Variants in RIMS2 observed in about 807,000 individuals in gnomAD.
The protein encoded by RIMS2 is regulating synaptic membrane exocytosis 2, also known as regulating synaptic membrane exocytosis protein 2.
In RIMS2, 59 loss-of-function variants were observed where a neutral mutation model predicts 174.4. The ratio of observed to expected loss-of-function variants is 0.34; its 90% CI spans 0.27 to 0.42. The LOEUF is 0.42. RIMS2 is among the 10% of genes least tolerant of loss of function. The pLI is 1.00. For missense variants in RIMS2, 1,620 were observed against 1,666.3 expected, an observed-to-expected ratio of 0.97 and a Z score of 0.48; for synonymous variants, 606 against 572.5, an observed-to-expected ratio of 1.06 and a Z score of -0.84.
At chr8:104,016,113 A>G (rs985543894) in intron 19 of RIMS2, among the ~76,000 whole-genome samples, 1 of 152,094 alleles carries the variant, frequency 6.6e-6, no homozygotes, top group African/African-American at 2.4e-5. Context: ...AGTTATGGAA[A>G]TCTGAAATTA....
chr8:103,666,291 T>A (rs1312217989), intron 1 of RIMS2, among the ~76,000 whole-genome samples: 1 of 152,188 alleles, frequency 6.6e-6, no homozygotes, highest in South Asian at 2.1e-4. Flanking sequence ...TGTTTATACA[T>A]CTAGTTAGAT....
At chr8:103,864,510 T>A (rs2099075400) in intron 3 of RIMS2, among the ~76,000 whole-genome samples, 1 of 152,178 alleles carries the variant, frequency 6.6e-6, no homozygotes, top group African/African-American at 2.4e-5. Context: ...TGATTTCTAA[T>A]TTTCTTCGAC....
At chr8:103,684,653 C>G (rs1480832604) in intron 1 of RIMS2, among the ~76,000 whole-genome samples, 3 of 151,768 alleles carry the variant, frequency 2.0e-5, no homozygotes, top group Non-Finnish European at 4.4e-5. Flanking sequence ...GTGGTGTGAT[C>G]TCAGCTCACC....
chr8:103,905,779 T>TC (rs1014974583), intron 4 of RIMS2, among the ~76,000 whole-genome samples: 7 of 151,130 alleles, frequency 4.6e-5, no homozygotes, highest in African/African-American at 1.2e-4. Flanking sequence ...TCTTTTCTTT[T>TC]TTTTTTTTTT....
rs566762702 is a variant in RIMS2 at position 104,054,686 on chromosome 8, T to C, written c.3334+40071T>C. ...AAATTACTTTCACAAATCCTTCTTA[T>C]CTGTTCTTATATTAGAATCTTACAT... On this transcript the variant is annotated intron_variant, in intron 19 of 23. Transcript: ENST00000504942. Among the ~76,000 whole-genome samples, 3 of 152,266 alleles carry C rather than the reference T, an allele frequency of 2.0e-5. No homozygotes were observed. In the South Asian group the frequency reaches 6.2e-4, roughly 32 times the overall value.
intron 1 of RIMS2, among the ~76,000 whole-genome samples, chr8:103,636,684 T>G (rs919158253): frequency 7.2e-5 from 11 of 152,036 alleles, no homozygotes; most frequent in Non-Finnish European, 1.2e-4. Flanking sequence ...GTGTTGCTAT[T>G]TATTTGGCCC....
At chr8:104,099,639 T>C (rs2097833162) in intron 19 of RIMS2, among the ~76,000 whole-genome samples, 1 of 152,092 alleles carries the variant, frequency 6.6e-6, no homozygotes, top group East Asian at 1.9e-4. Context: ...AGCTTGTCAA[T>C]TCAGGGGGAA....
chr8:104,071,395 A>G (rs1306300775), intron 19 of RIMS2, among the ~76,000 whole-genome samples: 3 of 152,120 alleles, frequency 2.0e-5, no homozygotes, highest in Non-Finnish European at 4.4e-5. Context: ...GCCCCTTCAG[A>G]CCAATGGAAT....
At chr8:104,104,742 C>G (rs1194409776) in intron 19 of RIMS2, among the ~76,000 whole-genome samples, 1 of 151,788 alleles carries the variant, frequency 6.6e-6, no homozygotes, top group Non-Finnish European at 1.5e-5. Context: ...ATTAGCCAGG[C>G]ACAGTGGTGC....
chr8:103,785,468 T>G (rs1229190437), intron 3 of RIMS2, among the ~76,000 whole-genome samples: 1 of 152,246 alleles, frequency 6.6e-6, no homozygotes, highest in Non-Finnish European at 1.5e-5. Flanking sequence ...TATTGAGAGT[T>G]TTTAGCATGA....
At chr8:104,208,960 A>G (rs1163558681) in intron 19 of RIMS2, among the ~76,000 whole-genome samples, 1 of 152,244 alleles carries the variant, frequency 6.6e-6, no homozygotes, top group Non-Finnish European at 1.5e-5. Context: ...AGTCTAGAAG[A>G]TAAAATACTT....
chr8:103,796,400 A>G (rs1181693713), intron 3 of RIMS2, among the ~76,000 whole-genome samples: 5 of 152,184 alleles, frequency 3.3e-5, no homozygotes, highest in African/African-American at 1.2e-4. Flanking sequence ...ATATCCTTTT[A>G]TACAAAAATA....
chr8:103,817,346 C>T lies in RIMS2; in HGVS notation c.698+50809C>T, dbSNP rs190957524. 6.1e-3 allele frequency among the ~76,000 whole-genome samples: 932 copies of T among 152,174 alleles called. 11 individuals carry two copies. The highest frequency in any genetic ancestry group is 0.021 in the African/African-American group (882 of 41,516). ...AGGTGTGCATTTGTGTGTGTGTGTG[C>T]ATGTGCACATGTATGCACATATGTA... On this transcript the variant is annotated intron_variant, in intron 3 of 23. Transcript: ENST00000504942.
chr8:103,967,170 G>GTTTTGTTTTTTTTTTTTTTTTT (rs2092061492), intron 15 of RIMS2, among the ~76,000 whole-genome samples: 1 of 24,952 alleles, frequency 4.0e-5, no homozygotes, highest in African/African-American at 2.1e-4. Flanking sequence ...ATCTGTTCTT[G>GTTTTGTTTTTTTTTTTTTTTTT]TTTTTTTTTT....
chr8:103,918,449 C>T (rs373806828), exon 9 of RIMS2: 35 of 1,573,720 alleles, frequency 2.2e-5, no homozygotes, highest in African/African-American at 1.2e-4. Context: ...AGAGATATAC[C>T]GCGAATACCT....
intron 1 of RIMS2, among the ~76,000 whole-genome samples, chr8:103,618,199 G>A (rs1336556744): frequency 6.6e-6 from 1 of 152,086 alleles, no homozygotes; most frequent in Non-Finnish European, 1.5e-5. Flanking sequence ...CATGGATGGA[G>A]CTGGAGGCTA....
At chr8:104,209,310 A>G (rs764051771) in intron 19 of RIMS2, among the ~76,000 whole-genome samples, 4 of 152,236 alleles carry the variant, frequency 2.6e-5, no homozygotes, top group Non-Finnish European at 4.4e-5. Context: ...AATAATGGAA[A>G]TAGACTCTCT....
At position 103,682,510 on chromosome 8, in the gene RIMS2, C is replaced by T. The variant is rs898406919; in HGVS notation, c.177-14576C>T. Among the ~76,000 whole-genome samples, 17 of 151,934 alleles carry T rather than the reference C, an allele frequency of 1.1e-4. 1 individual carries two copies. The highest frequency in any genetic ancestry group is 6.6e-5 in the Admixed American group (1 of 15,240). On this transcript the variant is annotated intron_variant, in intron 1 of 23. Coordinates refer to ENST00000504942, the Ensembl canonical transcript of RIMS2. ...GGAAGCCATTGATAAATTTAGTGAG[C>T]ATTAGGAAGTAGACTGGAAAGTGAT...
At chr8:103,822,437 G>A (rs2098757629) in intron 3 of RIMS2, among the ~76,000 whole-genome samples, 1 of 151,782 alleles carries the variant, frequency 6.6e-6, no homozygotes, top group South Asian at 2.1e-4. Context: ...TGTGTCATAA[G>A]TCCCCAAAGT....
Sources: allele counts gnomAD v4.1 joint callset (sites outside exome capture counted in the v4.1 genomes callset), GRCh38; gene constraint gnomAD v4.1.1; transcripts MANE v1.5; gene names NCBI Gene and HGNC (gene_info 2026-07-23, HGNC 2026-07-21).